Variants in NKAIN2 observed in about 807,000 individuals in gnomAD.
The protein encoded by NKAIN2 is sodium/potassium-transporting ATPase subunit beta-1-interacting protein 2.
NKAIN2 carries 14 observed loss-of-function variants against 32.6 expected under a neutral mutation model. The ratio of observed to expected loss-of-function variants is 0.43; its 90% CI spans 0.28 to 0.67. The LOEUF is 0.67. NKAIN2 is among the 30% of genes least tolerant of loss of function. The pLI, the probability that NKAIN2 is intolerant of heterozygous loss-of-function variation, is 0.17. For synonymous variants in NKAIN2, 80 were observed against 87.2 expected, an observed-to-expected ratio of 0.92 and a Z score of 0.46; for missense variants, 198 against 258.3, an observed-to-expected ratio of 0.77 and a Z score of 1.60.
rs182138960 is a variant in NKAIN2 at position 124,734,841 on chromosome 6, T to A, written c.475-56498T>A. 7.0e-4 allele frequency among the ~76,000 whole-genome samples: 107 copies of A among 151,920 alleles called. 1 individual carries two copies. The highest frequency in any genetic ancestry group is 7.7e-4 in the Non-Finnish European group (52 of 67,856). On this transcript the variant is annotated intron_variant, in intron 4 of 6. Transcript: ENST00000368417. ...CTTATGATCCTGTTCCTGGAAAAAATCATAATAATGTACTTTACATATAGC... is the reference window on the plus strand; with the variant it reads ...CTTATGATCCTGTTCCTGGAAAAAAACATAATAATGTACTTTACATATAGC...
intron 1 of NKAIN2, among the ~76,000 whole-genome samples, chr6:123,989,407 T>G (rs9491035): frequency 0.022 from 3,336 of 152,308 alleles, 124 homozygotes; most frequent in African/African-American, 0.075. Flanking sequence ...GGAAAGAGTT[T>G]CTTCCATTTC....
intron 1 of NKAIN2, among the ~76,000 whole-genome samples, chr6:124,228,937 A>G (rs767488879): frequency 7.9e-5 from 12 of 152,294 alleles, no homozygotes; most frequent in South Asian, 4.1e-4. Context: ...TTTTTATCAC[A>G]AAAACATAAG....
intron 1 of NKAIN2, among the ~76,000 whole-genome samples, chr6:124,002,458 T>C (rs551687421): frequency 3.9e-5 from 6 of 151,990 alleles, no homozygotes; most frequent in Non-Finnish European, 7.4e-5. Flanking sequence ...CCTTTTTTTT[T>C]CCCCCTTACC....
intron 4 of NKAIN2, among the ~76,000 whole-genome samples, chr6:124,682,981 T>C (rs1402014455): frequency 1.3e-5 from 2 of 152,158 alleles, no homozygotes; most frequent in Non-Finnish European, 2.9e-5. Context: ...TGATAAGTTT[T>C]GACTGTGCAG....
intron 1 of NKAIN2, among the ~76,000 whole-genome samples, chr6:123,893,221 G>A (rs757766771): frequency 2.0e-5 from 3 of 151,876 alleles, no homozygotes; most frequent in Non-Finnish European, 4.4e-5. Flanking sequence ...TATTTTTTAA[G>A]ACCAGGTCTC....
At chr6:124,218,578 G>A (rs1011006442) in intron 1 of NKAIN2, among the ~76,000 whole-genome samples, 2 of 152,130 alleles carry the variant, frequency 1.3e-5, no homozygotes, top group East Asian at 3.8e-4. Flanking sequence ...GGGAAAATCA[G>A]TCTACCAACT....
chr6:124,781,500 A>C (rs1288570498), intron 4 of NKAIN2, among the ~76,000 whole-genome samples: 1 of 152,072 alleles, frequency 6.6e-6, no homozygotes, highest in African/African-American at 2.4e-5. Flanking sequence ...TGGTTAGATG[A>C]TTGGTTGGTT....
At chr6:124,065,147 A>G (rs975081405) in intron 1 of NKAIN2, among the ~76,000 whole-genome samples, 2 of 152,070 alleles carry the variant, frequency 1.3e-5, no homozygotes, top group Non-Finnish European at 2.9e-5. Flanking sequence ...AAAGATTTTC[A>G]CAGTATTTCA....
intron 3 of NKAIN2, among the ~76,000 whole-genome samples, chr6:124,392,544 G>T (rs763839497): frequency 6.6e-5 from 10 of 152,136 alleles, no homozygotes; most frequent in Non-Finnish European, 1.5e-4. Context: ...GTGCGCTTGT[G>T]TGTATTTGCC....
At chr6:124,114,262 T>C (rs919615760) in intron 1 of NKAIN2, among the ~76,000 whole-genome samples, 1 of 152,006 alleles carries the variant, frequency 6.6e-6, no homozygotes, top group Non-Finnish European at 1.5e-5. Context: ...ATTGAGTAGG[T>C]TTATGATGAT....
chr6:123,916,844 A>AT (rs1280191446), intron 1 of NKAIN2, among the ~76,000 whole-genome samples: 2 of 73,594 alleles, frequency 2.7e-5, no homozygotes, highest in South Asian at 4.7e-4. Context: ...TATCTATCCT[A>AT]CCTACCTACC....
intron 1 of NKAIN2, among the ~76,000 whole-genome samples, chr6:124,049,072 C>CTG (rs1280074410): frequency 6.6e-6 from 1 of 151,994 alleles, no homozygotes; most frequent in Non-Finnish European, 1.5e-5. Context: ...TTATAGTCAA[C>CTG]ATTGATTTCT....
At chr6:124,279,634 T>C (rs528599574) in intron 1 of NKAIN2, among the ~76,000 whole-genome samples, 139 of 152,164 alleles carry the variant, frequency 9.1e-4, no homozygotes, top group African/African-American at 3.2e-3. Flanking sequence ...TAGGTCAGTT[T>C]ATAGATACAA....
intron 2 of NKAIN2, among the ~76,000 whole-genome samples, chr6:124,318,667 A>G (rs1797057275): frequency 2.6e-5 from 4 of 152,030 alleles, no homozygotes; most frequent in Admixed American, 2.6e-4. Context: ...TACCCCATGA[A>G]AGAATTATGC....
At chr6:124,279,244 A>T (rs552379779) in intron 1 of NKAIN2, among the ~76,000 whole-genome samples, 1 of 152,224 alleles carries the variant, frequency 6.6e-6, no homozygotes, top group South Asian at 2.1e-4. Flanking sequence ...GCAGTGGCTC[A>T]CACCTGTACT....
intron 3 of NKAIN2, among the ~76,000 whole-genome samples, chr6:124,484,477 C>T (rs1237980281): frequency 6.6e-6 from 1 of 152,130 alleles, no homozygotes; most frequent in Non-Finnish European, 1.5e-5. Flanking sequence ...CTCCAGCTTA[C>T]TCAAGGACAA....
intron 1 of NKAIN2, among the ~76,000 whole-genome samples, chr6:124,261,283 A>G (rs1794236837): frequency 6.6e-6 from 1 of 152,036 alleles, no homozygotes; most frequent in African/African-American, 2.4e-5. Flanking sequence ...TCTTTTTACT[A>G]TTATGCAAGA....
chr6:124,298,724 A>G (rs893220298), intron 2 of NKAIN2, among the ~76,000 whole-genome samples: 4 of 152,078 alleles, frequency 2.6e-5, no homozygotes, highest in African/African-American at 9.7e-5. Flanking sequence ...TCAGCAGATA[A>G]TGCATGAATT....
intron 2 of NKAIN2, among the ~76,000 whole-genome samples, chr6:124,290,186 C>G (rs892092165): frequency 3.3e-5 from 5 of 152,086 alleles, no homozygotes; most frequent in Admixed American, 2.6e-4. Context: ...ACCATTTATT[C>G]TACAAGAAGA....
Sources: allele counts gnomAD v4.1 joint callset (sites outside exome capture counted in the v4.1 genomes callset), GRCh38; gene constraint gnomAD v4.1.1; transcripts MANE v1.5; gene names NCBI Gene and HGNC (gene_info 2026-07-23, HGNC 2026-07-21).